The following MVB12B variants were observed in gnomAD, a reference collection of about 807,000 sequenced individuals.
MVB12B encodes the protein ESCRT-I complex subunit MVB12B.
A neutral mutation model predicts 41.6 loss-of-function variants in MVB12B; 16 were observed. The observed-to-expected ratio is 0.38, with a 90% confidence interval of 0.26 to 0.58. The LOEUF (loss-of-function observed/expected upper bound fraction) is 0.58, where lower values mean the gene tolerates loss of function less well. MVB12B is among the 20% of genes least tolerant of loss of function. MVB12B has a pLI of 0.62. For missense variants in MVB12B, 274 were observed against 380.2 expected, an observed-to-expected ratio of 0.72 and a Z score of 2.32; for synonymous variants, 133 against 139.7, an observed-to-expected ratio of 0.95 and a Z score of 0.34.
rs1830882076 is a variant in MVB12B, at chr9:126,389,343, C to T, written c.409+2685C>T. ...GAGTATTCAAGACCCTGATTTTATA[C>T]AGTCAGCCAAAAACAGGAGACTCCT... is the stretch of plus-strand genomic sequence containing the variant. On this transcript the variant is annotated intron_variant, in intron 4 of 9. Transcript: ENST00000361171. The surrounding 1 kb of genome is among the most constrained non-coding windows in gnomAD (Gnocchi z 4.4). Among the ~76,000 whole-genome samples the T allele has an allele frequency of 1.3e-5, 2 of 152,134 alleles. No individual in the cohort carries two copies. The highest frequency in any genetic ancestry group is 4.8e-5 in the African/African-American group (2 of 41,436).
At chr9:126,345,329 C>T (rs1256352052) in intron 2 of MVB12B, among the ~76,000 whole-genome samples, 1 of 152,206 alleles carries the variant, frequency 6.6e-6, no homozygotes, top group Admixed American at 6.5e-5. Flanking sequence ...TTTAAGACCT[C>T]CTCCATTCTC....
rs750379679 is a variant in MVB12B, at chr9:126,503,254, G to C, written c.951G>C (p.Pro317=). Residue 317 remains proline (P), a synonymous_variant, in exon 10 of 10, where the codon CCG becomes CCC. Transcript: ENST00000361171. ...PPSPTRCQQI[P]QS is the part of the protein sequence containing the mutation. ...GCCCCACCAGGTGTCAGCAGATCCC[G>C]CAGTCCTGAGGAGCCAGCGGCCACC... is the stretch of plus-strand genomic sequence containing the variant. 3 of 1,550,186 alleles carry C rather than the reference G, an allele frequency of 1.9e-6. No individual in the cohort carries two copies. The highest frequency in any genetic ancestry group is 1.7e-6 in the Non-Finnish European group (2 of 1,146,792).
intron 7 of MVB12B, among the ~76,000 whole-genome samples, chr9:126,466,557 T>G (rs1227488130): frequency 6.6e-6 from 1 of 152,166 alleles, no homozygotes; most frequent in Admixed American, 6.5e-5. Flanking sequence ...TGGTGGGATT[T>G]GCCACCATTT....
chr9:126,398,940 C>A (rs1053201213), intron 6 of MVB12B, among the ~76,000 whole-genome samples: 3 of 152,260 alleles, frequency 2.0e-5, no homozygotes, highest in African/African-American at 7.2e-5. Flanking sequence ...AAAGGTGGAT[C>A]TTTGCACCGT....
rs925505621 is a variant in MVB12B at position 126,326,925 on chromosome 9, G to T, written c.-5G>T. Reference sequence around the variant, plus strand: ...GGGCCCGGCCCCTCCCGCGCCGCCCGGGCGATGAGAAGCTGCTTCTGCGTG... The same window carrying T: ...GGGCCCGGCCCCTCCCGCGCCGCCCTGGCGATGAGAAGCTGCTTCTGCGTG... On this transcript the variant is annotated 5_prime_UTR_variant, in exon 1 of 10. Coordinates refer to ENST00000361171, the MANE Select transcript of MVB12B (RefSeq NM_033446.3). 3.8e-6 allele frequency: 1 copy of T among 264,368 alleles called. No homozygotes were observed. Among genetic ancestry groups the T allele is most frequent in the Non-Finnish European group, 7.6e-6 (1 of 131,632 alleles). The allele number at this position is 264,368 out of a possible 1,614,324, so 16.4% of individuals were successfully genotyped here. A position where few individuals can be genotyped will look rare whatever the true frequency, so the allele number is the denominator to read the frequency against.
intron 7 of MVB12B, among the ~76,000 whole-genome samples, chr9:126,456,946 A>G (rs1011547560): frequency 6.6e-6 from 1 of 152,186 alleles, no homozygotes; most frequent in Non-Finnish European, 1.5e-5. Context: ...CTTCGTCCTG[A>G]AGCAGTGTCA....
At chr9:126,413,818 T>TTTTG (rs774509551) in intron 6 of MVB12B, among the ~76,000 whole-genome samples, 1 of 109,390 alleles carries the variant, frequency 9.1e-6, no homozygotes, top group Non-Finnish European at 2.0e-5. Context: ...ACCCCATTGG[T>TTTTG]TGTGTGTGTG....
At chr9:126,441,027 AC>A (rs1272754755) in intron 7 of MVB12B, among the ~76,000 whole-genome samples, 1 of 152,262 alleles carries the variant, frequency 6.6e-6, no homozygotes, top group African/African-American at 2.4e-5. Context: ...AGGCCTGCCA[AC>A]TAGGCCTCGC....
chr9:126,495,230 AG>A (rs2119229410), intron 9 of MVB12B, among the ~76,000 whole-genome samples: 1 of 150,024 alleles, frequency 6.7e-6, no homozygotes, highest in Non-Finnish European at 1.5e-5. Flanking sequence ...AAAGAAGAGA[AG>A]GGAAATAGCA....
At chr9:126,360,280 A>G (rs1319506496) in intron 2 of MVB12B, among the ~76,000 whole-genome samples, 1 of 152,236 alleles carries the variant, frequency 6.6e-6, no homozygotes, top group African/African-American at 2.4e-5. Context: ...CAGAGAACAT[A>G]GTTTTATGGC....
chr9:126,484,083 C>T, intron 9 of MVB12B, 51 bp downstream of exon 9: 1 of 1,545,134 alleles, frequency 6.5e-7, no homozygotes, highest in Middle Eastern at 1.7e-4. Flanking sequence ...ATCGCCTGCA[C>T]ACCGGCGTCT....
chr9:126,475,459 T>A (rs959016618), intron 7 of MVB12B, among the ~76,000 whole-genome samples: 2 of 152,228 alleles, frequency 1.3e-5, no homozygotes, highest in Non-Finnish European at 2.9e-5. Context: ...TGAGAAAATT[T>A]GTAAGATGCT....
rs548219357 is a variant in MVB12B at position 126,356,486 on chromosome 9, G to A, written c.204+15856G>A. On this transcript the variant is annotated intron_variant, in intron 2 of 9. Transcript: ENST00000361171. ...ATACAATAGACTGCATATATTTAGA[G>A]TGTATGATTTGATGAGTTTTGGAGT... Among the ~76,000 whole-genome samples the A allele has an allele frequency of 2.6e-5, 4 of 152,222 alleles. No homozygotes were observed. The South Asian group carries it at 6.2e-4, about 24-fold the overall frequency.
intron 2 of MVB12B, among the ~76,000 whole-genome samples, chr9:126,375,303 G>A (rs190680115): frequency 9.4e-5 from 14 of 149,560 alleles, no homozygotes; most frequent in East Asian, 3.9e-4. Flanking sequence ...GGAGTTGTCC[G>A]GGTGCCTATT....
chr9:126,454,486 G>A (rs12378551), intron 7 of MVB12B, among the ~76,000 whole-genome samples: 3 of 152,166 alleles, frequency 2.0e-5, no homozygotes, highest in Non-Finnish European at 2.9e-5. Flanking sequence ...ATTGAGCCTC[G>A]GGCTCAGTAA....
rs1411528139 is a variant in MVB12B, at chr9:126,483,956, T to G, written c.814-17T>G. 3 of 1,613,958 alleles carry G rather than the reference T, an allele frequency of 1.9e-6. No individual in the cohort carries two copies. The highest frequency in any genetic ancestry group is 1.7e-6 in the Non-Finnish European group (2 of 1,179,894). On this transcript the variant is annotated splice_polypyrimidine_tract_variant and intron_variant, in intron 8 of 9. Transcript: ENST00000361171. The stretch of plus-strand genomic sequence containing the variant: ...TTTTCCAGCTATTTAAAAGGGCAAC[T>G]TCATCTGTGTTTTCAGATGCAGCCC...
At chr9:126,344,573 A>G (rs1402813721) in intron 2 of MVB12B, among the ~76,000 whole-genome samples, 1 of 152,194 alleles carries the variant, frequency 6.6e-6, no homozygotes, top group Non-Finnish European at 1.5e-5. Context: ...CTCCCTGCTC[A>G]CCTGGCAGCT....
rs987833873 is a variant in MVB12B at position 126,459,019 on chromosome 9, A to C, written c.758-22350A>C. ...AAAACCCTGAGTGCTGAGAAAACTCACTAAGCCTATAGATTCAGATGACCA... is the reference window on the plus strand; with the variant it reads ...AAAACCCTGAGTGCTGAGAAAACTCCCTAAGCCTATAGATTCAGATGACCA... On this transcript the variant is annotated intron_variant, in intron 7 of 9. Transcript: ENST00000361171. This position sits in a 1 kb window ranked among gnomAD's most constrained non-coding sequence, Gnocchi z 4.3. 6.6e-6 allele frequency among the ~76,000 whole-genome samples: 1 copy of C among 152,246 alleles called. No homozygotes were observed. The highest frequency in any genetic ancestry group is 2.4e-5 in the African/African-American group (1 of 41,464).
At chr9:126,407,674 G>T (rs1042571299) in intron 6 of MVB12B, among the ~76,000 whole-genome samples, 1 of 151,796 alleles carries the variant, frequency 6.6e-6, no homozygotes, top group Non-Finnish European at 1.5e-5. Context: ...TTTAATCACC[G>T]CGAGGGGGGC....
Sources: gnomAD v4.1 joint callset for allele counts (sites outside exome capture counted in the v4.1 genomes callset) on GRCh38, gnomAD v4.1.1 for gene constraint, Gnocchi (gnomAD v3.1) non-coding constraint, MANE v1.5 for transcripts, NCBI Gene and HGNC (gene_info 2026-07-23, HGNC 2026-07-21) for gene names.